CSMD1: variants seen among roughly 807,000 people sequenced by gnomAD.
The protein encoded by CSMD1 is CUB and sushi domain-containing protein 1.
In CSMD1, 213 loss-of-function variants were observed where a neutral mutation model predicts 417.5. The observed-to-expected ratio is 0.51, with a 90% CI of 0.46 to 0.57. CSMD1 has a LOEUF of 0.57. Ranked by LOEUF, CSMD1 falls within the 20% of genes least tolerant of loss-of-function variation. The pLI is 0.00. For synonymous variants in CSMD1, 2,862 were observed against 1,736.8 expected, an observed-to-expected ratio of 1.65 and a Z score of -16.11; for missense variants, 6,923 against 4,529.7, an observed-to-expected ratio of 1.53 and a Z score of -15.17.
At chr8:4,268,253 C>G (rs1804345097) in intron 3 of CSMD1, among the ~76,000 whole-genome samples, 1 of 152,114 alleles carries the variant, frequency 6.6e-6, no homozygotes, top group Non-Finnish European at 1.5e-5. Flanking sequence ...AGATGGCATT[C>G]AAATACTAAT....
At chr8:4,163,561 G>T (rs1250971148) in intron 3 of CSMD1, among the ~76,000 whole-genome samples, 1 of 152,134 alleles carries the variant, frequency 6.6e-6, no homozygotes, top group Non-Finnish European at 1.5e-5. Flanking sequence ...CATTTGGTGT[G>T]AATTAAATCT....
chr8:3,371,388 G>T (rs1476441887), intron 18 of CSMD1, among the ~76,000 whole-genome samples: 1 of 151,696 alleles, frequency 6.6e-6, no homozygotes, highest in Non-Finnish European at 1.5e-5. Flanking sequence ...TGAAATAAGT[G>T]AATACATGTA....
intron 1 of CSMD1, among the ~76,000 whole-genome samples, chr8:4,714,009 G>T (rs1263637739): frequency 6.6e-6 from 1 of 152,052 alleles, no homozygotes; most frequent in South Asian, 2.1e-4. Flanking sequence ...GCCAAGCATG[G>T]TGGCAGGTGC....
intron 4 of CSMD1, among the ~76,000 whole-genome samples, chr8:4,008,545 C>T (rs111754195): frequency 7.0e-6 from 1 of 142,896 alleles, no homozygotes; most frequent in Admixed American, 7.1e-5. Context: ...CAGATAAATA[C>T]TTGATTGTTA....
intron 18 of CSMD1, among the ~76,000 whole-genome samples, chr8:3,371,172 G>A (rs1809922265): frequency 6.6e-6 from 1 of 152,146 alleles, no homozygotes; most frequent in South Asian, 2.1e-4. Context: ...CTAGCTTGCA[G>A]AAGGCAGATC....
chr8:4,249,626 AAC>A (rs1261114443), intron 3 of CSMD1, among the ~76,000 whole-genome samples: 14 of 152,244 alleles, frequency 9.2e-5, no homozygotes, highest in African/African-American at 3.1e-4. Flanking sequence ...TTCTCTGCTC[AAC>A]ACAGTGTGGA....
chr8:3,525,367 C>A (rs1040968833), intron 10 of CSMD1, among the ~76,000 whole-genome samples: 5 of 152,090 alleles, frequency 3.3e-5, no homozygotes, highest in Non-Finnish European at 7.4e-5. Flanking sequence ...GGATAAGGAT[C>A]AAAATTCTAA....
chr8:4,624,015 G>A (rs904554927), intron 2 of CSMD1, among the ~76,000 whole-genome samples: 1 of 152,048 alleles, frequency 6.6e-6, no homozygotes, highest in Non-Finnish European at 1.5e-5. Context: ...GTGAATAATT[G>A]TAACTAAAGG....
intron 6 of CSMD1, among the ~76,000 whole-genome samples, chr8:3,713,585 G>C (rs9644353): frequency 0.98 from 148,785 of 152,280 alleles, 72,757 homozygotes; most frequent in East Asian, 1. Context: ...AAACCAAGTC[G>C]TATCTTCTGC....
chr8:3,857,657 T>A (rs1394932607), intron 5 of CSMD1, among the ~76,000 whole-genome samples: 4 of 152,164 alleles, frequency 2.6e-5, no homozygotes, highest in East Asian at 1.9e-4. Context: ...ATGGTCCGAA[T>A]GAGTGGAATT....
At chr8:3,076,962 T>C (rs953743777) in intron 49 of CSMD1, among the ~76,000 whole-genome samples, 3 of 152,146 alleles carry the variant, frequency 2.0e-5, no homozygotes, top group African/African-American at 7.2e-5. Context: ...GCGAACATTG[T>C]ATCCAACAGG....
chr8:4,553,001 C>T (rs1318377830), intron 2 of CSMD1, among the ~76,000 whole-genome samples: 2 of 152,320 alleles, frequency 1.3e-5, no homozygotes, highest in East Asian at 3.9e-4. Context: ...TGCTTGGTGA[C>T]ATTTCACCGA....
chr8:4,870,916 G>A (rs1277172633), intron 1 of CSMD1, among the ~76,000 whole-genome samples: 2 of 152,142 alleles, frequency 1.3e-5, no homozygotes, highest in African/African-American at 4.8e-5. Flanking sequence ...ATGGAGCCAG[G>A]TATCACACAC....
At chr8:4,076,247 T>A (rs1585260360) in intron 3 of CSMD1, among the ~76,000 whole-genome samples, 1 of 152,168 alleles carries the variant, frequency 6.6e-6, no homozygotes, top group African/African-American at 2.4e-5. Context: ...GGCACTTCTC[T>A]CTCCTGCCAC....
At chr8:4,544,419 T>C (rs1369359644) in intron 2 of CSMD1, among the ~76,000 whole-genome samples, 1 of 152,134 alleles carries the variant, frequency 6.6e-6, no homozygotes, top group Admixed American at 6.6e-5. Context: ...TTACAGTAGT[T>C]ATAAAATTTT....
intron 3 of CSMD1, among the ~76,000 whole-genome samples, chr8:4,189,741 G>C (rs1019180211): frequency 4.6e-5 from 7 of 152,108 alleles, no homozygotes; most frequent in Admixed American, 2.0e-4. Context: ...TTTGACATTA[G>C]AAATCTTGAT....
At chr8:3,840,011 A>C (rs1419217550) in intron 5 of CSMD1, among the ~76,000 whole-genome samples, 1 of 152,140 alleles carries the variant, frequency 6.6e-6, no homozygotes. Context: ...TGTCAAAGCT[A>C]AGCTCCTAAG....
At chr8:4,833,935 C>T (rs1800300786) in intron 1 of CSMD1, among the ~76,000 whole-genome samples, 1 of 152,178 alleles carries the variant, frequency 6.6e-6, no homozygotes, top group South Asian at 2.1e-4. Flanking sequence ...CTTGATTCCA[C>T]AGCGGCCCCT....
chr8:3,336,319 T>C (rs980951792), intron 23 of CSMD1, among the ~76,000 whole-genome samples: 7 of 152,172 alleles, frequency 4.6e-5, no homozygotes, highest in Non-Finnish European at 1.0e-4. Context: ...CCACTTCCCA[T>C]CACAAATTGT....
Sources: allele counts gnomAD v4.1 joint callset (sites outside exome capture counted in the v4.1 genomes callset), GRCh38; gene constraint gnomAD v4.1.1; transcripts MANE v1.5; gene names NCBI Gene and HGNC (gene_info 2026-07-23, HGNC 2026-07-21).